GRIK2: variants seen among roughly 807,000 people sequenced by gnomAD.
GRIK2 encodes glutamate ionotropic receptor kainate type subunit 2.
Under a neutral mutation model 100.3 loss-of-function variants are expected in GRIK2, and 32 were observed. That is an observed-to-expected ratio of 0.32 (90% CI 0.24 to 0.43). GRIK2 has a LOEUF of 0.43. Among genes scored for constraint, GRIK2 ranks in the 20% least tolerant of loss-of-function variants. The pLI is 1.00. For synonymous variants in GRIK2, 417 were observed against 389.4 expected, an observed-to-expected ratio of 1.07 and a Z score of -0.83; for missense variants, 843 against 1,114.9, an observed-to-expected ratio of 0.76 and a Z score of 3.47.
chr6:101,922,076 TTTCC>T lies in GRIK2; in HGVS notation c.1749-2464_1749-2461del, dbSNP rs906511587. ...GATTCTTCCTTCCTACCTTTCTCCA[TTTCC>T]TTCCTTCCTTCCTTCCTTCCTTCCT... is the stretch of plus-strand genomic sequence containing the variant. On this transcript the variant is annotated intron_variant, in intron 12 of 16. Coordinates refer to ENST00000369134, the MANE Select transcript of GRIK2 (RefSeq NM_021956.5). Among the ~76,000 whole-genome samples the T allele has an allele frequency of 5.0e-3, 546 of 110,198 alleles. 10 individuals carry two copies. The highest frequency in any genetic ancestry group is 0.018 in the East Asian group (59 of 3,198). 72.3% of individuals were successfully genotyped at this position (110,198 alleles called of 152,430 possible).
At chr6:101,467,468 G>T (rs1246228733) in intron 2 of GRIK2, among the ~76,000 whole-genome samples, 1 of 152,156 alleles carries the variant, frequency 6.6e-6, no homozygotes, top group Non-Finnish European at 1.5e-5. Flanking sequence ...CTGAGACAAA[G>T]TTTCCAGAGC....
intron 7 of GRIK2, among the ~76,000 whole-genome samples, chr6:101,726,765 G>A (rs1774900084): frequency 2.0e-5 from 3 of 151,866 alleles, no homozygotes; most frequent in Admixed American, 6.6e-5. Context: ...TTTTATACAC[G>A]CTAAAAACTG....
At chr6:101,425,994 TC>T (rs1776679166) in intron 2 of GRIK2, among the ~76,000 whole-genome samples, 1 of 152,206 alleles carries the variant, frequency 6.6e-6, no homozygotes, top group East Asian at 1.9e-4. Context: ...TTTCATTCTT[TC>T]AGACTTGAAA....
chr6:101,897,440 C>G (rs1001728848), intron 12 of GRIK2, among the ~76,000 whole-genome samples: 1 of 151,742 alleles, frequency 6.6e-6, no homozygotes, highest in African/African-American at 2.4e-5. Flanking sequence ...GCTGGTCTGT[C>G]TGTGGTAATT....
At chr6:101,982,250 ACTGTAATTTTCATGT>A (rs1180098101) in intron 14 of GRIK2, among the ~76,000 whole-genome samples, 4 of 151,870 alleles carry the variant, frequency 2.6e-5, no homozygotes, top group African/African-American at 9.7e-5. Flanking sequence ...GAAGGCAAAT[ACTGTAATTTTCATGT>A]CTGTCTCCCA....
intron 14 of GRIK2, among the ~76,000 whole-genome samples, chr6:101,992,615 G>A (rs1179850298): frequency 1.3e-5 from 2 of 151,584 alleles, no homozygotes; most frequent in Non-Finnish European, 3.0e-5. Context: ...AGTGATTTCA[G>A]ACAGATTGAA....
intron 2 of GRIK2, among the ~76,000 whole-genome samples, chr6:101,615,509 CT>C (rs1280574809): frequency 6.6e-6 from 1 of 151,700 alleles, no homozygotes; most frequent in Non-Finnish European, 1.5e-5. Context: ...TAAGATGCTT[CT>C]TTAAGATCAT....
At chr6:101,470,768 A>G (rs1392101318) in intron 2 of GRIK2, among the ~76,000 whole-genome samples, 1 of 152,138 alleles carries the variant, frequency 6.6e-6, no homozygotes, top group African/African-American at 2.4e-5. Flanking sequence ...ACACATTGAT[A>G]TTATAATCAA....
At chr6:101,940,362 A>G (rs185198445) in intron 14 of GRIK2, among the ~76,000 whole-genome samples, 6 of 152,256 alleles carry the variant, frequency 3.9e-5, no homozygotes, top group African/African-American at 9.6e-5. Flanking sequence ...TTTATTACCA[A>G]TGCCAGAGTG....
At chr6:101,491,146 T>C (rs1319985967) in intron 2 of GRIK2, among the ~76,000 whole-genome samples, 1 of 116,160 alleles carries the variant, frequency 8.6e-6, no homozygotes, top group Non-Finnish European at 1.8e-5. Context: ...GCATCATCCA[T>C]AAAGCTGTAA....
chr6:101,568,377 A>C (rs1244544614), intron 2 of GRIK2, among the ~76,000 whole-genome samples: 3 of 152,008 alleles, frequency 2.0e-5, no homozygotes, highest in African/African-American at 7.2e-5. Flanking sequence ...TAATTGGAAA[A>C]GTTGCAAATA....
At chr6:101,893,858 G>A (rs1045699005) in intron 12 of GRIK2, among the ~76,000 whole-genome samples, 2 of 151,622 alleles carry the variant, frequency 1.3e-5, no homozygotes, top group African/African-American at 2.4e-5. Flanking sequence ...CACAATCAGT[G>A]CATATATCTG....
intron 4 of GRIK2, among the ~76,000 whole-genome samples, chr6:101,664,088 G>A (rs1012074300): frequency 2.0e-5 from 3 of 152,174 alleles, no homozygotes; most frequent in Admixed American, 6.6e-5. Context: ...AACCATGCCT[G>A]GAGTTTATTC....
chr6:101,870,790 A>C lies in GRIK2; in HGVS notation c.1524+11297A>C, dbSNP rs557210861. 2.0e-5 allele frequency among the ~76,000 whole-genome samples: 3 copies of C among 152,000 alleles called. No individual in the cohort carries two copies. The South Asian group carries it at 6.2e-4, about 31-fold the overall frequency. On this transcript the variant is annotated intron_variant, in intron 11 of 16. Coordinates refer to ENST00000369134, the MANE Select transcript of GRIK2 (RefSeq NM_021956.5). ...TAGAGCACTATGTCATAGCTATCGA[A>C]TAATAGATAAAGGCATTCTGAAACA...
rs572325715 is a variant in GRIK2, at chr6:101,964,370, G to T, written c.2085+35738G>T. Among the ~76,000 whole-genome samples, 21 of 152,210 alleles carry T rather than the reference G, an allele frequency of 1.4e-4. 1 individual carries two copies. The highest frequency in any genetic ancestry group is 2.1e-4 in the South Asian group (1 of 4,826). ...GGTTTGTGAAGGTCCTCTGATCCCA[G>T]TTAGAAGTGGATTTTCCTTGTGTTT... On this transcript the variant is annotated intron_variant, in intron 14 of 16. Transcript: ENST00000369134.
rs556912956 is a variant in GRIK2 at position 102,026,978 on chromosome 6, G to C, written c.2086-8363G>C. Among the ~76,000 whole-genome samples, 34 of 151,278 alleles carry C rather than the reference G, an allele frequency of 2.2e-4. No homozygotes were observed. The South Asian group carries it at 3.3e-3, about 15-fold the overall frequency. On this transcript the variant is annotated intron_variant, in intron 14 of 16. Coordinates refer to ENST00000369134, the MANE Select transcript of GRIK2 (RefSeq NM_021956.5). ...AGATGAGTCCAGATAGGGCTCAGCT[G>C]TTCTTACCTAGCACATATGTTCCAG...
At chr6:101,892,271 G>A (rs766362167) in intron 12 of GRIK2, among the ~76,000 whole-genome samples, 15 of 152,014 alleles carry the variant, frequency 9.9e-5, no homozygotes, top group Non-Finnish European at 2.1e-4. Context: ...CCAAGCCCAC[G>A]GCTTTTGAAG....
intron 14 of GRIK2, among the ~76,000 whole-genome samples, chr6:101,999,393 T>C (rs997158159): frequency 4.6e-5 from 7 of 152,260 alleles, no homozygotes; most frequent in Middle Eastern, 3.4e-3. Context: ...CATTAATGTT[T>C]AATTTCTCTT....
At chr6:101,715,746 G>A (rs932498202) in intron 7 of GRIK2, among the ~76,000 whole-genome samples, 1 of 151,732 alleles carries the variant, frequency 6.6e-6, no homozygotes, top group Admixed American at 6.6e-5. Context: ...AAGAAGTTTG[G>A]AAATAAATGA....
Sources: allele counts gnomAD v4.1 joint callset (sites outside exome capture counted in the v4.1 genomes callset), GRCh38; gene constraint gnomAD v4.1.1; transcripts MANE v1.5; gene names NCBI Gene and HGNC (gene_info 2026-07-23, HGNC 2026-07-21).